Variants in TANC2 observed in about 807,000 individuals in gnomAD.
TANC2 encodes the protein tetratricopeptide repeat, ankyrin repeat and coiled-coil containing 2.
A neutral mutation model predicts 210.5 loss-of-function variants in TANC2; 26 were observed. That is an observed-to-expected ratio of 0.12 (90% confidence interval 0.09 to 0.17). TANC2 has a LOEUF of 0.17. TANC2 is among the 10% of genes least tolerant of loss of function. The pLI is 1.00. For missense variants in TANC2, 2,129 were observed against 2,608.9 expected (o/e 0.82, Z 4.01); for synonymous variants, 931 against 967.1 (o/e 0.96, Z 0.69).
At chr17:63,394,809 C>T (rs1291496617) in intron 17 of TANC2, among the ~76,000 whole-genome samples, 2 of 152,182 alleles carry the variant, frequency 1.3e-5, no homozygotes, top group Admixed American at 6.5e-5. Flanking sequence ...GTTGGACAGG[C>T]TCTTGTCACA....
intron 10 of TANC2, among the ~76,000 whole-genome samples, chr17:63,318,724 T>G (rs1185428678): frequency 1.3e-5 from 2 of 152,234 alleles, no homozygotes; most frequent in African/African-American, 4.8e-5. Flanking sequence ...ATATTTTGTA[T>G]TTCATCTATT....
chr17:63,134,254 G>A (rs570437571), intron 4 of TANC2, among the ~76,000 whole-genome samples: 5 of 152,004 alleles, frequency 3.3e-5, no homozygotes, highest in Non-Finnish European at 7.4e-5. Flanking sequence ...AATTTTGTTG[G>A]TATGTCTCCA....
intron 8 of TANC2, among the ~76,000 whole-genome samples, chr17:63,249,507 C>G (rs971875786): frequency 6.6e-6 from 1 of 152,078 alleles, no homozygotes; most frequent in Non-Finnish European, 1.5e-5. Context: ...GTCGTCAGTG[C>G]TTTGTGTGAG....
intron 1 of TANC2, among the ~76,000 whole-genome samples, chr17:62,970,611 A>G (rs2031637477): frequency 6.6e-6 from 1 of 152,212 alleles, no homozygotes; most frequent in Non-Finnish European, 1.5e-5. Context: ...AAAGGGGACT[A>G]TTAGGGTAGT....
intron 4 of TANC2, among the ~76,000 whole-genome samples, chr17:63,127,294 T>G (rs1288937911): frequency 6.6e-6 from 1 of 152,262 alleles, no homozygotes; most frequent in Non-Finnish European, 1.5e-5. Flanking sequence ...ATATTTCATT[T>G]GTTTATACAA....
intron 5 of TANC2, among the ~76,000 whole-genome samples, chr17:63,179,743 A>G (rs185640702): frequency 2.0e-4 from 31 of 152,230 alleles, no homozygotes; most frequent in African/African-American, 7.5e-4. Context: ...ATTAATTTCA[A>G]GTACACCCTC....
rs547461184 is a variant in TANC2, at chr17:63,382,337, C to G, written c.2691+2511C>G. Among the ~76,000 whole-genome samples, 14 of 152,240 alleles carry G rather than the reference C, an allele frequency of 9.2e-5. No homozygotes were observed. In the East Asian group the frequency reaches 2.5e-3, roughly 27 times the overall value. ...CTTTTTCCTCTAGCTCTTAATAAAG[C>G]CAACTAATGAAACAAACAGCCTAAC... On this transcript the variant is annotated intron_variant, in intron 15 of 27. Coordinates refer to ENST00000689528, the Ensembl canonical transcript of TANC2.
At position 63,395,732 on chromosome 17, in the gene TANC2, T is replaced by C. The variant is rs1233256580; in HGVS notation, c.3052-11T>C. ...CTGTGTTCACACATATCTCCTGTCC[T>C]CTCCTCTTAGGTGGATCATTTGGAT... is the stretch of plus-strand genomic sequence containing the variant. On this transcript the variant is annotated splice_polypyrimidine_tract_variant and intron_variant, in intron 17 of 27. Coordinates refer to ENST00000689528, the Ensembl canonical transcript of TANC2. The C allele has an allele frequency of 6.2e-7, 1 of 1,612,248 alleles. No individual in the cohort carries two copies. Among genetic ancestry groups the C allele is most frequent in the Non-Finnish European group, 8.5e-7 (1 of 1,179,216 alleles).
Position 63,034,500 on chromosome 17 carries a change from T to C in TANC2, c.67+24874T>C, listed in dbSNP as rs937918846. 3.3e-5 allele frequency among the ~76,000 whole-genome samples: 5 copies of C among 152,274 alleles called. No individual in the cohort carries two copies. In the South Asian group the frequency reaches 1.0e-3, roughly 32 times the overall value. Reference sequence around the variant, plus strand: ...CAAGGAGTAAATTTTGACTTTTAAGTCATATTATTTAAGAAATACATTTTT... The same window carrying C: ...CAAGGAGTAAATTTTGACTTTTAAGCCATATTATTTAAGAAATACATTTTT... On this transcript the variant is annotated intron_variant, in intron 2 of 27. Transcript: ENST00000689528.
At chr17:63,371,892 C>T (rs1007333064) in intron 14 of TANC2, among the ~76,000 whole-genome samples, 2 of 152,126 alleles carry the variant, frequency 1.3e-5, no homozygotes, top group Non-Finnish European at 2.9e-5. Context: ...GCCTTGTAAC[C>T]CGTAGTTATC....
intron 1 of TANC2, among the ~76,000 whole-genome samples, chr17:62,969,227 C>G (rs1250591249): frequency 6.6e-6 from 1 of 152,192 alleles, no homozygotes; most frequent in Non-Finnish European, 1.5e-5. Flanking sequence ...TTCCAACACC[C>G]TATGAGGTAT....
intron 7 of TANC2, among the ~76,000 whole-genome samples, chr17:63,217,949 C>T (rs936728246): frequency 6.6e-6 from 1 of 151,640 alleles, no homozygotes; most frequent in Non-Finnish European, 1.5e-5. Context: ...TAATAACAGA[C>T]TAAAAAAGAA....
chr17:63,296,933 A>G (rs925866513), intron 9 of TANC2, among the ~76,000 whole-genome samples: 1 of 152,186 alleles, frequency 6.6e-6, no homozygotes, highest in African/African-American at 2.4e-5. Flanking sequence ...GTGGAACATC[A>G]TCAAGTTTGT....
At chr17:63,017,830 A>G (rs1185162710) in intron 2 of TANC2, among the ~76,000 whole-genome samples, 2 of 152,198 alleles carry the variant, frequency 1.3e-5, no homozygotes, top group Non-Finnish European at 2.9e-5. Context: ...GCGAGTAATT[A>G]CTAGAACTTG....
At chr17:63,309,914 T>C (rs991752966) in intron 9 of TANC2, among the ~76,000 whole-genome samples, 21 of 152,078 alleles carry the variant, frequency 1.4e-4, no homozygotes, top group African/African-American at 4.8e-4. Flanking sequence ...AAAGTAAGCA[T>C]TACAAATTGG....
chr17:63,186,595 CA>C (rs1236252279), intron 5 of TANC2, among the ~76,000 whole-genome samples: 2 of 151,928 alleles, frequency 1.3e-5, no homozygotes, highest in African/African-American at 2.4e-5. Context: ...TCAGGTGATC[CA>C]CCCCCCGCTT....
In TANC2 at chr17:63,421,274, G is replaced by A. The variant is rs776721613; in HGVS notation, c.5544G>A (p.Pro1848=). 2.4e-5 allele frequency: 38 copies of A among 1,613,804 alleles called. No homozygotes were observed. Among genetic ancestry groups the A allele is most frequent in the Admixed American group, 1.7e-4 (10 of 60,000 alleles). The change falls in exon 28 of 28, where the codon CCG becomes CCA. Residue 1848 remains proline (P), a synonymous_variant. Transcript: ENST00000689528. The surrounding 1 kb of genome is among the most constrained non-coding windows in gnomAD (Gnocchi z 6.9). ...GTGTCAACCCTAACGAAATCAAACC[G>A]CACCCGCCAACTCCCAGGCCGTTGC...
chr17:63,031,203 C>T (rs749805844), intron 2 of TANC2, among the ~76,000 whole-genome samples: 5 of 151,996 alleles, frequency 3.3e-5, no homozygotes, highest in African/African-American at 7.2e-5. Flanking sequence ...GAGATTTGCT[C>T]CTATTTAATT....
At chr17:63,357,089 A>T (rs950410760) in intron 14 of TANC2, among the ~76,000 whole-genome samples, 1 of 152,240 alleles carries the variant, frequency 6.6e-6, no homozygotes, top group Non-Finnish European at 1.5e-5. Context: ...TATAAATCCT[A>T]CTAGAGCTGT....
Sources: allele counts gnomAD v4.1 joint callset (sites outside exome capture counted in the v4.1 genomes callset), GRCh38; gene constraint gnomAD v4.1.1; non-coding constraint Gnocchi (gnomAD v3.1); transcripts MANE v1.5; gene names NCBI Gene and HGNC (gene_info 2026-07-23, HGNC 2026-07-21).